The following IPMK variants were observed in gnomAD, a reference collection of about 807,000 sequenced individuals.
IPMK encodes inositol polyphosphate multikinase, also known as inositol 1,3,4,6-tetrakisphosphate 5-kinase.
Under a neutral mutation model 45.8 loss-of-function variants are expected in IPMK, and 17 were observed. The observed-to-expected ratio is 0.37, with a 90% CI of 0.25 to 0.56. IPMK has a LOEUF of 0.56. Ranked by LOEUF, IPMK falls within the 20% of genes least tolerant of loss-of-function variation. IPMK has a pLI of 0.79. For missense variants in IPMK, 399 were observed against 498.0 expected (o/e 0.80, Z 1.89); for synonymous variants, 180 against 184.3 (o/e 0.98, Z 0.19).
At position 58,230,134 on chromosome 10, in the gene IPMK, TAAAC is replaced by T. The variant is rs1392701808; in HGVS notation, c.277-2999_277-2996del. Among the ~76,000 whole-genome samples the T allele has an allele frequency of 5.3e-5, 8 of 152,126 alleles. No individual in the cohort carries two copies. In the East Asian group the frequency reaches 1.6e-3, roughly 29 times the overall value. ...GGAATCCACCATTGCTGAGGCTTGG[TAAAC>T]AAAGAAGCTGGGAAGCTCGAACTGG... On this transcript the variant is annotated intron_variant, in intron 2 of 5. Coordinates refer to ENST00000373935, the MANE Select transcript of IPMK (RefSeq NM_152230.5).
intron 2 of IPMK, among the ~76,000 whole-genome samples, chr10:58,236,325 A>G (rs1024135509): frequency 6.6e-5 from 10 of 152,336 alleles, no homozygotes; most frequent in South Asian, 2.1e-4. Context: ...TATCAAAAGC[A>G]GATAAAGATA....
intron 2 of IPMK, among the ~76,000 whole-genome samples, chr10:58,233,679 A>G (rs1030001534): frequency 3.3e-5 from 5 of 152,204 alleles, no homozygotes; most frequent in Non-Finnish European, 7.3e-5. Context: ...CAAAATAATA[A>G]GAGCTATTTA....
chr10:58,213,268 T>C (rs1407012976), intron 4 of IPMK, among the ~76,000 whole-genome samples: 1 of 152,228 alleles, frequency 6.6e-6, no homozygotes, highest in East Asian at 1.9e-4. Context: ...AAGCAGAGCC[T>C]GCTGATAAAC....
At chr10:58,220,789 T>C (rs915011057) in intron 3 of IPMK, among the ~76,000 whole-genome samples, 4 of 152,206 alleles carry the variant, frequency 2.6e-5, no homozygotes, top group Non-Finnish European at 5.9e-5. Flanking sequence ...TGAAATCGCA[T>C]TACACTTAGC....
chr10:58,196,800 C>A lies in IPMK; in HGVS notation c.629-102G>T, dbSNP rs1339948602. The A allele has an allele frequency of 9.9e-6, 8 of 805,500 alleles. No homozygotes were observed. In the African/African-American group the frequency reaches 1.2e-4, roughly 12 times the overall value. The allele number at this position is 805,500 out of a possible 1,614,324, so 49.9% of individuals were successfully genotyped here. On this transcript the variant is annotated intron_variant, in intron 5 of 5. Coordinates refer to ENST00000373935, the MANE Select transcript of IPMK (RefSeq NM_152230.5). ...TTCTCCAATATTTTCCCCATCATCC[C>A]TTAGAATTAAGTGAACAGTTAATCC...
At chr10:58,246,697 A>C (rs1385536453) in intron 1 of IPMK, among the ~76,000 whole-genome samples, 2 of 151,514 alleles carry the variant, frequency 1.3e-5, no homozygotes, top group Non-Finnish European at 2.9e-5. Flanking sequence ...AAACCATAAA[A>C]ACCCTAGAAG....
At chr10:58,200,180 G>T (rs771510222) in intron 4 of IPMK, among the ~76,000 whole-genome samples, 7 of 152,188 alleles carry the variant, frequency 4.6e-5, no homozygotes, top group African/African-American at 1.4e-4. Context: ...GTGCAGTGGC[G>T]TGATCTCAGC....
At chr10:58,213,456 G>A (rs551690838) in intron 4 of IPMK, among the ~76,000 whole-genome samples, 22 of 152,306 alleles carry the variant, frequency 1.4e-4, no homozygotes, top group African/African-American at 4.8e-4. Flanking sequence ...AGGCCAAGGC[G>A]GGCGGATCAC....
intron 1 of IPMK, among the ~76,000 whole-genome samples, chr10:58,261,745 C>T (rs927615587): frequency 5.3e-5 from 8 of 152,076 alleles, no homozygotes; most frequent in African/African-American, 1.9e-4. Flanking sequence ...ACACATCCGG[C>T]TAATTTTTGC....
At chr10:58,236,611 G>A (rs1838616264) in intron 2 of IPMK, among the ~76,000 whole-genome samples, 1 of 152,052 alleles carries the variant, frequency 6.6e-6, no homozygotes, top group Non-Finnish European at 1.5e-5. Flanking sequence ...AATTGTTTCT[G>A]AAAACTAGAA....
intron 4 of IPMK, among the ~76,000 whole-genome samples, chr10:58,208,545 A>C (rs1362226865): frequency 6.6e-6 from 1 of 152,032 alleles, no homozygotes; most frequent in Non-Finnish European, 1.5e-5. Flanking sequence ...TTAGACTTTA[A>C]TGTTCATTTT....
chr10:58,235,250 C>T (rs1324999267), intron 2 of IPMK, among the ~76,000 whole-genome samples: 1 of 152,158 alleles, frequency 6.6e-6, no homozygotes, highest in Non-Finnish European at 1.5e-5. Context: ...ATGTGGAAGA[C>T]AGTGTGGCGA....
At position 58,232,398 on chromosome 10, in the gene IPMK, C is replaced by T. The variant is rs575327543; in HGVS notation, c.277-5259G>A. Among the ~76,000 whole-genome samples, 5 of 152,274 alleles carry T rather than the reference C, an allele frequency of 3.3e-5. No homozygotes were observed. In the South Asian group the frequency reaches 1.0e-3, roughly 32 times the overall value. ...AACATACATTCTTCTCAGCACATCACACTTATTCTAAAATTGACCACATAA... is the reference window on the plus strand; with the variant it reads ...AACATACATTCTTCTCAGCACATCATACTTATTCTAAAATTGACCACATAA... On this transcript the variant is annotated intron_variant, in intron 2 of 5. Coordinates refer to ENST00000373935, the MANE Select transcript of IPMK (RefSeq NM_152230.5).
chr10:58,209,246 G>A (rs1253796621), intron 4 of IPMK, among the ~76,000 whole-genome samples: 1 of 152,152 alleles, frequency 6.6e-6, no homozygotes, highest in East Asian at 1.9e-4. Context: ...CTACAGTGGA[G>A]TCCTGGGGAG....
chr10:58,248,646 C>T (rs1838838551), intron 1 of IPMK, among the ~76,000 whole-genome samples: 1 of 150,222 alleles, frequency 6.7e-6, no homozygotes, highest in Admixed American at 6.6e-5. Context: ...AGAACTTATT[C>T]CTTCTAAGTG....
At chr10:58,223,474 C>A (rs1277538654) in intron 3 of IPMK, among the ~76,000 whole-genome samples, 1 of 152,164 alleles carries the variant, frequency 6.6e-6, no homozygotes, top group Non-Finnish European at 1.5e-5. Context: ...TACTTATTTA[C>A]AGCCCCTTAA....
chr10:58,229,198 G>A (rs886759719), intron 2 of IPMK, among the ~76,000 whole-genome samples: 1 of 152,088 alleles, frequency 6.6e-6, no homozygotes. Flanking sequence ...ACTCTCAACT[G>A]ATAGAGCAGA....
intron 1 of IPMK, among the ~76,000 whole-genome samples, chr10:58,257,111 T>C (rs1838981167): frequency 6.6e-6 from 1 of 152,194 alleles, no homozygotes; most frequent in Non-Finnish European, 1.5e-5. Flanking sequence ...GCTTTTATTA[T>C]TAGAAAAGAA....
intron 1 of IPMK, among the ~76,000 whole-genome samples, chr10:58,266,822 G>A (rs1378594845): frequency 6.6e-6 from 1 of 152,056 alleles, no homozygotes; most frequent in African/African-American, 2.4e-5. Context: ...CCAGGAATCC[G>A]AGTTTCTGCA....
Sources: allele counts gnomAD v4.1 joint callset (sites outside exome capture counted in the v4.1 genomes callset), GRCh38; gene constraint gnomAD v4.1.1; transcripts MANE v1.5; gene names NCBI Gene and HGNC (gene_info 2026-07-23, HGNC 2026-07-21).